PCDHGB1: variants seen among roughly 807,000 people sequenced by gnomAD.
The protein encoded by PCDHGB1 is protocadherin gamma subfamily B, 1, also known as protocadherin gamma-B1.
PCDHGB1 carries 34 observed loss-of-function variants against 56.6 expected under a neutral mutation model. The ratio of observed to expected loss-of-function variants is 0.60; its 90% CI spans 0.46 to 0.80. The LOEUF (loss-of-function observed/expected upper bound fraction) is 0.80. PCDHGB1 is among the 30% of genes least tolerant of loss of function. The pLI is 0.00. For synonymous variants in PCDHGB1, 561 were observed against 505.9 expected (o/e 1.11, Z -1.46); for missense variants, 1,278 against 1,204.6 (o/e 1.06, Z -0.90).
Position 141,375,142 on chromosome 5 carries a change from C to A in PCDHGB1, c.2409+22473C>A, listed in dbSNP as rs772426422. The A allele has an allele frequency of 5.0e-6, 8 of 1,613,910 alleles. No homozygotes were observed. The Admixed American group carries it at 1.3e-4, about 27-fold the overall frequency. ...CAGAAGTGGTTGTTACATCTGGAAG[C>A]AGAACAATTGCTGAAAGTGCACCTC... On this transcript the variant is annotated intron_variant, in intron 1 of 3. Transcript: ENST00000523390.
At chr5:141,480,695 C>T (rs2099523656) in intron 1 of PCDHGB1, among the ~76,000 whole-genome samples, 2 of 152,146 alleles carry the variant, frequency 1.3e-5, no homozygotes, top group African/African-American at 4.8e-5. Context: ...GAAACCCAGG[C>T]CACACCCCGA....
intron 1 of PCDHGB1, among the ~76,000 whole-genome samples, chr5:141,488,613 A>C (rs1214413025): frequency 1.3e-5 from 2 of 152,158 alleles, no homozygotes; most frequent in Non-Finnish European, 2.9e-5. Flanking sequence ...GTTCTTACTA[A>C]TCTTTTCTCT....
intron 2 of PCDHGB1, 141 bp downstream of exon 2, chr5:141,495,006 G>C (rs1030195663): frequency 2.0e-6 from 3 of 1,521,446 alleles, no homozygotes; most frequent in Non-Finnish European, 8.8e-7. Flanking sequence ...CTTGGTGTGC[G>C]GGGGGCTGGC....
chr5:141,466,099 G>A (rs879849411), intron 1 of PCDHGB1, among the ~76,000 whole-genome samples: 2 of 151,938 alleles, frequency 1.3e-5, no homozygotes, highest in Non-Finnish European at 2.9e-5. Context: ...TCCAGCCTGG[G>A]CAACAGAGTG....
intron 1 of PCDHGB1, chr5:141,367,429 C>T (rs1303829786): frequency 6.6e-6 from 1 of 152,054 alleles, no homozygotes; most frequent in Non-Finnish European, 1.5e-5. Context: ...CCCAGCTACT[C>T]GGAAGGCTGA....
chr5:141,361,139 T>C (rs1305491971), intron 1 of PCDHGB1: 10 of 1,613,760 alleles, frequency 6.2e-6, no homozygotes, highest in Admixed American at 1.7e-5. Flanking sequence ...AGTATCCAAG[T>C]TGAAATTCTT....
At chr5:141,428,204 C>T (rs756271858) in intron 1 of PCDHGB1, 23 of 1,324,604 alleles carry the variant, frequency 1.7e-5, no homozygotes, top group Admixed American at 5.5e-5. Flanking sequence ...TGCGCCGCTA[C>T]GCTTCACCTA....
In PCDHGB1 at chr5:141,511,261, G is replaced by A; in HGVS notation, c.*88G>A. On this transcript the variant is annotated 3_prime_UTR_variant, in exon 4 of 4. Transcript: ENST00000523390. The stretch of plus-strand genomic sequence containing the variant: ...CTGCACCCAGGCCTCAGAGTTTCAG[G>A]GCTAACCCCCAGAATACTGGTAGGG... 2 of 1,557,474 alleles carry A rather than the reference G, an allele frequency of 1.3e-6. No homozygotes were observed. The highest frequency in any genetic ancestry group is 1.4e-5 in the African/African-American group (1 of 73,440).
At chr5:141,384,620 G>T in intron 1 of PCDHGB1, 1 of 1,614,200 alleles carries the variant, frequency 6.2e-7, no homozygotes, top group Non-Finnish European at 8.5e-7. Flanking sequence ...GGTTCTACTG[G>T]CATGGAGCTG....
At chr5:141,506,084 C>T (rs1426222889) in intron 3 of PCDHGB1, among the ~76,000 whole-genome samples, 8 of 152,068 alleles carry the variant, frequency 5.3e-5, no homozygotes, top group African/African-American at 1.9e-4. Flanking sequence ...AATAGAGATT[C>T]GGCTAGTGGT....
intron 1 of PCDHGB1, chr5:141,388,884 G>A: frequency 1.9e-6 from 3 of 1,614,002 alleles, no homozygotes; most frequent in Non-Finnish European, 2.5e-6. Flanking sequence ...AGTGGAGGTA[G>A]AAGTCATAGA....
chr5:141,371,270 C>G (rs778912997), intron 1 of PCDHGB1: 24 of 1,613,894 alleles, frequency 1.5e-5, no homozygotes, highest in South Asian at 5.5e-5. Flanking sequence ...GACAACTGTT[C>G]AAGCTGGACA....
At position 141,431,192 on chromosome 5, in the gene PCDHGB1, A is replaced by T. The variant is rs769745353; in HGVS notation, c.2410-63615A>T. 8.7e-6 allele frequency: 14 copies of T among 1,614,042 alleles called. No homozygotes were observed. Among genetic ancestry groups the T allele is most frequent in the African/African-American group, 2.7e-5 (2 of 74,912 alleles). On this transcript the variant is annotated intron_variant, in intron 1 of 3. Coordinates refer to ENST00000523390, the MANE Select transcript of PCDHGB1 (RefSeq NM_018922.3). This position sits in a 1 kb window ranked among gnomAD's most constrained non-coding sequence, Gnocchi z 4.8. ...TGAATTAGAAATAAAAATTAGTGAA[A>T]ATGCAGCCACTGAGATGCGGTTCCC...
intron 1 of PCDHGB1, among the ~76,000 whole-genome samples, chr5:141,435,783 G>A (rs1273339025): frequency 6.6e-6 from 1 of 152,124 alleles, no homozygotes; most frequent in Non-Finnish European, 1.5e-5. Context: ...TAAAGGTGCA[G>A]GGAAACATAA....
chr5:141,511,730 T>C lies in PCDHGB1; in HGVS notation c.*557T>C, dbSNP rs772107999. 5.1e-5 allele frequency: 9 copies of C among 177,790 alleles called. No homozygotes were observed. The highest frequency in any genetic ancestry group is 5.3e-5 in the Admixed American group (1 of 18,706). The allele number at this position is 177,790 out of a possible 1,614,324, so 11.0% of individuals were successfully genotyped here. On this transcript the variant is annotated 3_prime_UTR_variant, in exon 4 of 4. Transcript: ENST00000523390. ...ACCTCCTTCCAGAGCCCAAGATCAA[T>C]GCTCAAGTTTTGGAGGACATGATCA...
chr5:141,462,240 A>G (rs375419703), intron 1 of PCDHGB1, among the ~76,000 whole-genome samples: 2 of 152,216 alleles, frequency 1.3e-5, no homozygotes, highest in South Asian at 4.1e-4. Context: ...GATTACAGGT[A>G]TGAGCCACCA....
intron 1 of PCDHGB1, among the ~76,000 whole-genome samples, chr5:141,473,298 A>G (rs1033516450): frequency 1.3e-5 from 2 of 152,244 alleles, no homozygotes; most frequent in Non-Finnish European, 2.9e-5. Context: ...AGTAGCATAA[A>G]GATTGCTATA....
Position 141,408,587 on chromosome 5 carries a change from C to A in PCDHGB1, c.2409+55918C>A, listed in dbSNP as rs768912219. 3 of 1,613,898 alleles carry A rather than the reference C, an allele frequency of 1.9e-6. No homozygotes were observed. The South Asian group carries it at 3.3e-5, about 18-fold the overall frequency. ...TGTGGTGATTGAGGATGTTAATGACCACGCCCCTCAATTTGATAAAAAGGA... is the reference window on the plus strand; with the variant it reads ...TGTGGTGATTGAGGATGTTAATGACAACGCCCCTCAATTTGATAAAAAGGA... On this transcript the variant is annotated intron_variant, in intron 1 of 3. Transcript: ENST00000523390.
At chr5:141,357,481 G>C in intron 1 of PCDHGB1, 1 of 1,614,224 alleles carries the variant, frequency 6.2e-7, no homozygotes, top group Non-Finnish European at 8.5e-7. Context: ...CTCCCTCACC[G>C]CGGACTCGCG....
Sources: allele counts gnomAD v4.1 joint callset (sites outside exome capture counted in the v4.1 genomes callset), GRCh38; gene constraint gnomAD v4.1.1; non-coding constraint Gnocchi (gnomAD v3.1); transcripts MANE v1.5; gene names NCBI Gene and HGNC (gene_info 2026-07-23, HGNC 2026-07-21).